ZNF695: variants seen among roughly 807,000 people sequenced by gnomAD.
ZNF695 encodes zinc finger protein 695.
ZNF695 carries 11 observed loss-of-function variants against 11.2 expected under a neutral mutation model. The ratio of observed to expected loss-of-function variants is 0.98; its 90% confidence interval spans 0.62 to 1.62. The LOEUF (loss-of-function observed/expected upper bound fraction) is 1.62. Ranked by LOEUF, ZNF695 falls within the 40% of genes most tolerant of loss-of-function variation. The pLI is 0.00. For missense variants in ZNF695, 559 were observed against 590.5 expected, an observed-to-expected ratio of 0.95 and a Z score of 0.55; for synonymous variants, 190 against 201.4, an observed-to-expected ratio of 0.94 and a Z score of 0.48.
intron 4 of ZNF695, among the ~76,000 whole-genome samples, chr1:246,971,721 T>C (rs759901519): frequency 6.6e-6 from 1 of 152,200 alleles, no homozygotes; most frequent in Non-Finnish European, 1.5e-5. Flanking sequence ...AAACTAATGA[T>C]TAATGATATT....
intron 5 of ZNF695, among the ~76,000 whole-genome samples, chr1:246,959,863 T>C (rs756163797): frequency 4.6e-5 from 7 of 152,178 alleles, no homozygotes; most frequent in African/African-American, 7.2e-5. Flanking sequence ...GTTCTGAAGA[T>C]AGGCGGTGAA....
At chr1:246,960,379 A>C (rs914955752) in intron 5 of ZNF695, among the ~76,000 whole-genome samples, 4 of 152,150 alleles carry the variant, frequency 2.6e-5, no homozygotes, top group Admixed American at 6.5e-5. Flanking sequence ...TATTATATAG[A>C]GTGTGGTTTC....
intron 2 of ZNF695, 128 bp from the exon 3 acceptor site, chr1:246,999,568 A>T (rs1669305283): frequency 1.4e-6 from 1 of 727,106 alleles, no homozygotes; most frequent in Admixed American, 2.9e-5. Flanking sequence ...CTGTTTTCTG[A>T]CAGAACCTTT....
intron 5 of ZNF695, chr1:246,966,958 G>A: frequency 2.4e-6 from 1 of 424,424 alleles, no homozygotes; most frequent in East Asian, 7.1e-5. Flanking sequence ...TATTTTTTGA[G>A]ACAGAGTTTC....
At chr1:246,972,581 C>A (rs1395538289) in intron 4 of ZNF695, among the ~76,000 whole-genome samples, 1 of 152,080 alleles carries the variant, frequency 6.6e-6, no homozygotes, top group Non-Finnish European at 1.5e-5. Flanking sequence ...GAGTAAATGG[C>A]GTGATCTCGG....
At chr1:246,999,535 C>A in intron 2 of ZNF695, 95 bp from the exon 3 acceptor site, 1 of 959,808 alleles carries the variant, frequency 1.0e-6, no homozygotes, top group South Asian at 1.5e-5. Flanking sequence ...CACATTAGAT[C>A]CTAGAAAATT....
At position 246,986,916 on chromosome 1, in the gene ZNF695, T is replaced by C; in HGVS notation, c.*51A>G. The C allele has an allele frequency of 6.6e-7, 1 of 1,519,146 alleles. No homozygotes were observed. The highest frequency in any genetic ancestry group is 8.8e-7 in the Non-Finnish European group (1 of 1,137,522). 94.1% of individuals were successfully genotyped at this position (1,519,146 alleles called of 1,614,324 possible). On this transcript the variant is annotated 3_prime_UTR_variant, in exon 4 of 4. Coordinates refer to ENST00000339986, the MANE Select transcript of ZNF695 (RefSeq NM_020394.5). ...GTAAAAATATTCTGCTGTGAAGTTG[T>C]GAATAGGTATTAAAGACTATGCCAT...
At chr1:246,970,372 T>C (rs571740148) in intron 4 of ZNF695, among the ~76,000 whole-genome samples, 107 of 152,190 alleles carry the variant, frequency 7.0e-4, no homozygotes, top group African/African-American at 2.6e-3. Flanking sequence ...CTGCAGGCAA[T>C]TTTCGAGTTG....
At chr1:246,950,657 A>G (rs1667850795) in intron 5 of ZNF695, among the ~76,000 whole-genome samples, 1 of 56,582 alleles carries the variant, frequency 1.8e-5, no homozygotes, top group South Asian at 5.0e-4. Flanking sequence ...TTTCAAAAAA[A>G]AAAAAAAAAA....
chr1:246,996,470 G>C (rs1003035597), intron 3 of ZNF695, among the ~76,000 whole-genome samples: 1 of 152,138 alleles, frequency 6.6e-6, no homozygotes, highest in Non-Finnish European at 1.5e-5. Context: ...TTACAAAGCA[G>C]GAAATCTGGT....
intron 5 of ZNF695, among the ~76,000 whole-genome samples, chr1:246,947,627 G>A (rs1376043439): frequency 6.6e-6 from 1 of 151,402 alleles, no homozygotes; most frequent in Non-Finnish European, 1.5e-5. Flanking sequence ...CACTGTGAGT[G>A]GTATATCGGG....
intron 3 of ZNF695, among the ~76,000 whole-genome samples, chr1:246,990,067 A>G (rs1264562152): frequency 1.3e-5 from 2 of 150,042 alleles, no homozygotes; most frequent in African/African-American, 4.9e-5. Flanking sequence ...GAACGAGGGG[A>G]AAGGGAAGGG....
At chr1:246,997,597 C>A (rs1669249656) in intron 3 of ZNF695, among the ~76,000 whole-genome samples, 2 of 152,016 alleles carry the variant, frequency 1.3e-5, no homozygotes, top group Admixed American at 1.3e-4. Context: ...ATCAGTATCT[C>A]AAATAAATAT....
At chr1:246,991,921 C>T (rs368352880) in intron 3 of ZNF695, among the ~76,000 whole-genome samples, 1 of 152,114 alleles carries the variant, frequency 6.6e-6, no homozygotes, top group Non-Finnish European at 1.5e-5. Flanking sequence ...ATAGGCCGGG[C>T]GCGGTGGCTC....
chr1:246,986,243 C>T lies in ZNF695; in HGVS notation c.*724G>A, dbSNP rs1285841869. 1 of 574,066 alleles carries T rather than the reference C, an allele frequency of 1.7e-6. No homozygotes were observed. The highest frequency in any genetic ancestry group is 2.0e-5 in the African/African-American group (1 of 49,310). 35.6% of individuals were successfully genotyped at this position (574,066 alleles called of 1,614,324 possible). ...GCCACCAAGCCTGGCTTTTATTTTA[C>T]TTTTTGTAGAGATGAGGTTTTGCCA... On this transcript the variant is annotated 3_prime_UTR_variant, in exon 4 of 4. Coordinates refer to ENST00000339986, the MANE Select transcript of ZNF695 (RefSeq NM_020394.5).
rs186112137 is a variant in ZNF695 at position 246,955,866 on chromosome 1, T to C, written c.489-10039A>G. Among the ~76,000 whole-genome samples, 10 of 152,246 alleles carry C rather than the reference T, an allele frequency of 6.6e-5. No individual in the cohort carries two copies. The East Asian group carries it at 1.9e-3, about 29-fold the overall frequency. ...GAATATGATGCTCACAAGAACTCCC[T>C]GGGTAGACAACGGTCTCATCACTAA... On this transcript the variant is annotated intron_variant, in intron 5 of 5. Coordinates refer to the ZNF695 transcript ENST00000487338.
intron 5 of ZNF695, among the ~76,000 whole-genome samples, chr1:246,950,839 T>C (rs886472932): frequency 5.9e-5 from 9 of 152,032 alleles, no homozygotes; most frequent in Non-Finnish European, 1.0e-4. Flanking sequence ...ATGACAGTAG[T>C]TTCATCCTCC....
intron 5 of ZNF695, among the ~76,000 whole-genome samples, chr1:246,966,434 T>A (rs923874435): frequency 2.0e-5 from 3 of 151,730 alleles, no homozygotes; most frequent in African/African-American, 7.3e-5. Context: ...TAGGCCAAGA[T>A]TGCGCCATTG....
downstream of ZNF695, chr1:246,945,669 A>G (rs559412672): frequency 6.7e-6 from 6 of 896,352 alleles, no homozygotes; most frequent in African/African-American, 6.7e-5. Context: ...CATCAGAAAT[A>G]GATTCTGTGG....
Sources: allele counts gnomAD v4.1 joint callset (sites outside exome capture counted in the v4.1 genomes callset), GRCh38; gene constraint gnomAD v4.1.1; transcripts MANE v1.5; gene names NCBI Gene and HGNC (gene_info 2026-07-23, HGNC 2026-07-21).